SPAG16: variants seen among roughly 807,000 people sequenced by gnomAD.
The protein encoded by SPAG16 is sperm associated antigen 16.
Under a neutral mutation model 80.4 loss-of-function variants are expected in SPAG16, and 86 were observed. The observed-to-expected ratio is 1.07, with a 90% confidence interval of 0.90 to 1.28. The LOEUF is 1.28. Ranked by LOEUF, SPAG16 falls within the 50% of genes most tolerant of loss-of-function variation. The pLI is 0.00. For missense variants in SPAG16, 870 were observed against 765.3 expected, an observed-to-expected ratio of 1.14 and a Z score of -1.61; for synonymous variants, 294 against 265.9, an observed-to-expected ratio of 1.11 and a Z score of -1.03.
chr2:213,950,520 G>T (rs533848659), intron 12 of SPAG16, among the ~76,000 whole-genome samples: 1 of 152,130 alleles, frequency 6.6e-6, no homozygotes, highest in South Asian at 2.1e-4. Flanking sequence ...TAAAAGGTGT[G>T]TGGGGCATTG....
At chr2:214,375,175 A>G (rs944627542) in intron 15 of SPAG16, among the ~76,000 whole-genome samples, 3 of 152,140 alleles carry the variant, frequency 2.0e-5, no homozygotes, top group Non-Finnish European at 4.4e-5. Flanking sequence ...GCTCACACTA[A>G]CTGACCTTTC....
At position 214,177,971 on chromosome 2, in the gene SPAG16, GTATATATATATATATATATA is replaced by G. The variant is rs34460783; in HGVS notation, c.1720+28727_1720+28746del. ...TTATATCTAACTTCACAAAGTGTAT[GTATATATATATATATATATA>G]TATATATATATATATATATATTCAT... On this transcript the variant is annotated intron_variant, in intron 15 of 15. Coordinates refer to ENST00000331683, the MANE Select transcript of SPAG16 (RefSeq NM_024532.5). 2.9e-3 allele frequency among the ~76,000 whole-genome samples: 173 copies of G among 59,342 alleles called. 2 individuals carry two copies. The highest frequency in any genetic ancestry group is 0.033 in the Middle Eastern group (2 of 60). 38.9% of individuals were successfully genotyped at this position (59,342 alleles called of 152,430 possible). A position where few individuals can be genotyped will look rare whatever the true frequency, so the allele number is the denominator to read the frequency against.
intron 9 of SPAG16, among the ~76,000 whole-genome samples, chr2:213,465,427 C>T (rs996616071): frequency 6.6e-6 from 1 of 152,166 alleles, no homozygotes; most frequent in Non-Finnish European, 1.5e-5. Context: ...GTCCATTCTG[C>T]ATCCTCTAAG....
chr2:214,100,089 TAGTG>T (rs2052901765), intron 13 of SPAG16, among the ~76,000 whole-genome samples: 1 of 151,974 alleles, frequency 6.6e-6, no homozygotes, highest in Admixed American at 6.6e-5. Flanking sequence ...GTTCTCATGA[TAGTG>T]AGTGAGTTAA....
At chr2:213,811,895 C>A (rs2072180298) in intron 10 of SPAG16, among the ~76,000 whole-genome samples, 1 of 152,034 alleles carries the variant, frequency 6.6e-6, no homozygotes, top group African/African-American at 2.4e-5. Flanking sequence ...GGCTGGATGA[C>A]ACGGGTACAC....
chr2:214,353,860 G>C (rs1232889517), intron 15 of SPAG16, among the ~76,000 whole-genome samples: 5 of 152,012 alleles, frequency 3.3e-5, no homozygotes, highest in African/African-American at 1.2e-4. Flanking sequence ...GTTCAAGTAT[G>C]GTAGCATGTG....
intron 11 of SPAG16, among the ~76,000 whole-genome samples, chr2:213,905,400 A>G (rs2077392055): frequency 6.6e-6 from 1 of 152,254 alleles, no homozygotes; most frequent in Non-Finnish European, 1.5e-5. Context: ...GTAAGAAAAT[A>G]TTCAAATTAA....
rs1329067657 is a variant in SPAG16, at chr2:213,938,343, A to T, written c.1400+8198A>T. On this transcript the variant is annotated intron_variant, in intron 12 of 15. Transcript: ENST00000331683. The stretch of plus-strand genomic sequence containing the variant: ...AGCCATAGTCCATCTGAGGTAAAAA[A>T]TGAAAATCACGTTTGTTTTATATTT... Among the ~76,000 whole-genome samples, 3 of 152,094 alleles carry T rather than the reference A, an allele frequency of 2.0e-5. No homozygotes were observed. The East Asian group carries it at 5.8e-4, about 29-fold the overall frequency.
At chr2:213,347,833 G>A (rs543438299) in intron 6 of SPAG16, among the ~76,000 whole-genome samples, 6 of 152,240 alleles carry the variant, frequency 3.9e-5, no homozygotes, top group Admixed American at 6.5e-5. Flanking sequence ...GAATAAGTAC[G>A]GTGTGGTGCT....
At chr2:214,392,161 AT>A (rs1039763588) in intron 15 of SPAG16, among the ~76,000 whole-genome samples, 4 of 151,852 alleles carry the variant, frequency 2.6e-5, no homozygotes, top group East Asian at 1.9e-4. Context: ...CAGTCTCAGA[AT>A]TTTTTTTCTT....
In SPAG16 at chr2:213,806,568, A is replaced by G. The variant is rs372962260; in HGVS notation, c.1071-55917A>G. On this transcript the variant is annotated intron_variant, in intron 10 of 15. Coordinates refer to ENST00000331683, the MANE Select transcript of SPAG16 (RefSeq NM_024532.5). Reference sequence around the variant, plus strand: ...AAACTCTCACAAGGAATTCCCACTGATATGTTTTAATGAATGCAGTAAATA... The same window carrying G: ...AAACTCTCACAAGGAATTCCCACTGGTATGTTTTAATGAATGCAGTAAATA... Among the ~76,000 whole-genome samples, 88 of 152,216 alleles carry G rather than the reference A, an allele frequency of 5.8e-4. 1 individual carries two copies. In the South Asian group the frequency reaches 7.7e-3, roughly 13 times the overall value.
chr2:214,176,314 G>C (rs185234487), intron 15 of SPAG16, among the ~76,000 whole-genome samples: 1 of 151,052 alleles, frequency 6.6e-6, no homozygotes, highest in East Asian at 2.0e-4. Context: ...AGCTAGAGGT[G>C]CTATAGATAG....
chr2:213,912,852 A>G (rs961185179), intron 11 of SPAG16, among the ~76,000 whole-genome samples: 2 of 152,172 alleles, frequency 1.3e-5, no homozygotes, highest in Non-Finnish European at 2.9e-5. Context: ...AAAACAAATT[A>G]TCATGTTAAA....
intron 15 of SPAG16, among the ~76,000 whole-genome samples, chr2:214,276,331 G>C (rs532145460): frequency 6.6e-6 from 1 of 152,318 alleles, no homozygotes; most frequent in African/African-American, 2.4e-5. Context: ...ATTTGATCCT[G>C]TCATTATGAT....
chr2:213,936,160 C>T (rs1340362286), intron 12 of SPAG16, among the ~76,000 whole-genome samples: 1 of 152,058 alleles, frequency 6.6e-6, no homozygotes, highest in Admixed American at 6.6e-5. Flanking sequence ...ATTCCAAGCT[C>T]TTCTGATCAG....
intron 15 of SPAG16, among the ~76,000 whole-genome samples, chr2:214,199,188 T>C (rs1248170769): frequency 6.6e-6 from 1 of 152,180 alleles, no homozygotes; most frequent in Admixed American, 6.6e-5. Context: ...TAAGCCAATG[T>C]CTAGAAGAGT....
chr2:213,780,361 C>T (rs1273250317), intron 10 of SPAG16, among the ~76,000 whole-genome samples: 5 of 152,170 alleles, frequency 3.3e-5, no homozygotes, highest in Admixed American at 1.3e-4. Flanking sequence ...GGTCTCTTCC[C>T]ATTTTTCTCT....
intron 10 of SPAG16, among the ~76,000 whole-genome samples, chr2:213,852,103 C>T (rs923164746): frequency 2.0e-5 from 3 of 152,126 alleles, no homozygotes; most frequent in Non-Finnish European, 2.9e-5. Flanking sequence ...TTGCATTTCA[C>T]CTTGGCACTT....
intron 6 of SPAG16, among the ~76,000 whole-genome samples, chr2:213,342,934 A>G (rs1007848128): frequency 3.3e-5 from 5 of 152,048 alleles, no homozygotes; most frequent in African/African-American, 1.2e-4. Flanking sequence ...CAAGCAGAGC[A>G]TGGTGGCTTT....
Sources: allele counts gnomAD v4.1 joint callset (sites outside exome capture counted in the v4.1 genomes callset), GRCh38; gene constraint gnomAD v4.1.1; transcripts MANE v1.5; gene names NCBI Gene and HGNC (gene_info 2026-07-23, HGNC 2026-07-21).